The following ASTN2 variants were observed in gnomAD, a reference collection of about 807,000 sequenced individuals.
The protein encoded by ASTN2 is astrotactin-2.
ASTN2 carries 54 observed loss-of-function variants against 139.8 expected under a neutral mutation model. The ratio of observed to expected loss-of-function variants is 0.39; its 90% CI spans 0.31 to 0.48. The LOEUF (loss-of-function observed/expected upper bound fraction) is 0.48. ASTN2 is among the 20% of genes least tolerant of loss of function. The pLI is 0.95. For missense variants in ASTN2, 1,565 were observed against 1,725.1 expected (o/e 0.91, Z 1.64); for synonymous variants, 756 against 719.5 (o/e 1.05, Z -0.81).
chr9:116,886,738 T>G (rs984554846), intron 10 of ASTN2, among the ~76,000 whole-genome samples: 3 of 152,220 alleles, frequency 2.0e-5, no homozygotes, highest in East Asian at 1.9e-4. Context: ...AAAAGAATAT[T>G]TTTTTTATTG....
intron 16 of ASTN2, among the ~76,000 whole-genome samples, chr9:116,665,859 C>T (rs1201470628): frequency 2.6e-5 from 4 of 152,022 alleles, no homozygotes; most frequent in Admixed American, 1.3e-4. Context: ...CAAACCAAAA[C>T]CAAGAAACAA....
At chr9:116,635,624 T>C (rs987898826) in intron 17 of ASTN2, among the ~76,000 whole-genome samples, 1 of 152,158 alleles carries the variant, frequency 6.6e-6, no homozygotes, top group Non-Finnish European at 1.5e-5. Context: ...TTCACTAACA[T>C]GTACTACCCT....
intron 11 of ASTN2, among the ~76,000 whole-genome samples, chr9:116,851,017 G>T (rs1027760092): frequency 6.6e-6 from 1 of 152,170 alleles, no homozygotes; most frequent in Admixed American, 6.5e-5. Context: ...TAATGTTAGG[G>T]CCCAGAAGAG....
At chr9:117,232,669 T>C (rs1832928396) in intron 2 of ASTN2, among the ~76,000 whole-genome samples, 1 of 152,226 alleles carries the variant, frequency 6.6e-6, no homozygotes, top group African/African-American at 2.4e-5. Context: ...GGAGAAAATA[T>C]GGGGCTTCCA....
chr9:117,206,899 C>A (rs534077503), intron 3 of ASTN2, among the ~76,000 whole-genome samples: 2 of 152,286 alleles, frequency 1.3e-5, no homozygotes, highest in East Asian at 3.9e-4. Flanking sequence ...AGAGTGCCCC[C>A]ACCCACTACA....
intron 1 of ASTN2, among the ~76,000 whole-genome samples, chr9:117,337,552 C>T (rs761014724): frequency 6.6e-6 from 1 of 152,092 alleles, no homozygotes; most frequent in Non-Finnish European, 1.5e-5. Flanking sequence ...CAGGTAAGCA[C>T]AGTGAAGAGT....
At chr9:116,732,130 G>T (rs1828801541) in intron 14 of ASTN2, among the ~76,000 whole-genome samples, 1 of 152,206 alleles carries the variant, frequency 6.6e-6, no homozygotes, top group Non-Finnish European at 1.5e-5. Context: ...CAGGTCAGGG[G>T]TGATGTAAGA....
intron 16 of ASTN2, among the ~76,000 whole-genome samples, chr9:116,695,453 C>T (rs1334024475): frequency 6.6e-6 from 1 of 152,138 alleles, no homozygotes; most frequent in East Asian, 1.9e-4. Flanking sequence ...AGATTGCATT[C>T]CAAAGCTAAT....
chr9:116,883,987 C>A (rs9987483), intron 10 of ASTN2, among the ~76,000 whole-genome samples: 59,988 of 152,050 alleles, frequency 0.39, 14,200 homozygotes, highest in South Asian at 0.55. Context: ...AGTCTTGTGG[C>A]ATCTGAAGGA....
chr9:117,251,955 A>G (rs548372272), intron 2 of ASTN2, among the ~76,000 whole-genome samples: 1 of 152,228 alleles, frequency 6.6e-6, no homozygotes, highest in Non-Finnish European at 1.5e-5. Flanking sequence ...ATCTCCAAGG[A>G]GGCAAAACTG....
At chr9:116,524,729 G>A (rs796439505) in intron 19 of ASTN2, among the ~76,000 whole-genome samples, 3 of 152,322 alleles carry the variant, frequency 2.0e-5, no homozygotes, top group African/African-American at 4.8e-5. Flanking sequence ...CTGCTGGGAT[G>A]TGAGCCCCTC....
intron 20 of ASTN2, among the ~76,000 whole-genome samples, chr9:116,475,911 C>T (rs890277630): frequency 1.1e-4 from 16 of 152,216 alleles, no homozygotes; most frequent in Non-Finnish European, 2.4e-4. Context: ...TCTGCTGCAG[C>T]GTTGTCTCTC....
intron 4 of ASTN2, among the ~76,000 whole-genome samples, chr9:117,123,514 G>A (rs1829611884): frequency 6.6e-6 from 1 of 152,110 alleles, no homozygotes; most frequent in Non-Finnish European, 1.5e-5. Context: ...AGTACAGTTA[G>A]ATAACATATG....
At chr9:117,153,504 A>G (rs1454558069) in intron 3 of ASTN2, among the ~76,000 whole-genome samples, 1 of 152,134 alleles carries the variant, frequency 6.6e-6, no homozygotes, top group Non-Finnish European at 1.5e-5. Context: ...CAAGATACAT[A>G]TCATTATCTC....
chr9:117,406,184 T>C (rs1016387512), intron 1 of ASTN2, among the ~76,000 whole-genome samples: 1 of 152,186 alleles, frequency 6.6e-6, no homozygotes, highest in Non-Finnish European at 1.5e-5. Flanking sequence ...ACAGGGTACA[T>C]AGGCAAACAG....
chr9:116,847,168 T>G (rs745685855), intron 11 of ASTN2, among the ~76,000 whole-genome samples: 32 of 152,256 alleles, frequency 2.1e-4, no homozygotes, highest in Admixed American at 1.3e-3. Context: ...CAGACTGGAG[T>G]GCAGTGGCAC....
At chr9:116,511,251 T>C (rs1451260198) in intron 19 of ASTN2, among the ~76,000 whole-genome samples, 1 of 152,204 alleles carries the variant, frequency 6.6e-6, no homozygotes, top group East Asian at 1.9e-4. Flanking sequence ...TCTGCATCTA[T>C]TGAGATAATC....
chr9:117,320,791 G>A (rs551995239), intron 1 of ASTN2, among the ~76,000 whole-genome samples: 6 of 151,976 alleles, frequency 3.9e-5, no homozygotes, highest in South Asian at 2.1e-4. Context: ...CAAACTCCCC[G>A]TAACTGCCAC....
In ASTN2 at chr9:117,374,369, T is replaced by TAAAAAAAAAAAAAA. The variant is rs57428022; in HGVS notation, c.442+40114_442+40127dup. The stretch of plus-strand genomic sequence containing the variant: ...TTATGAGGCTGCATAAGGGCAGGGT[T>TAAAAAAAAAAAAAA]AAAAAAAAAAAAAAAAAAAAAAAAG... On this transcript the variant is annotated intron_variant, in intron 1 of 22. Transcript: ENST00000313400. 5.0e-4 allele frequency among the ~76,000 whole-genome samples: 44 copies of TAAAAAAAAAAAAAA among 87,322 alleles called. 1 individual carries two copies. Among genetic ancestry groups the TAAAAAAAAAAAAAA allele is most frequent in the African/African-American group, 2.3e-3 (41 of 18,110 alleles). The allele number at this position is 87,322 out of a possible 152,430, so 57.3% of individuals were successfully genotyped here.
Sources: allele counts gnomAD v4.1 joint callset (sites outside exome capture counted in the v4.1 genomes callset), GRCh38; gene constraint gnomAD v4.1.1; transcripts MANE v1.5; gene names NCBI Gene and HGNC (gene_info 2026-07-23, HGNC 2026-07-21).